Variants in MATR3 observed in about 807,000 individuals in gnomAD.
MATR3 encodes the protein matrin 3, also known as matrin-3.
Under a neutral mutation model 85.5 loss-of-function variants are expected in MATR3, and 4 were observed. That is an observed-to-expected ratio of 0.05 (90% CI 0.02 to 0.11). The LOEUF is 0.11. Among genes scored for constraint, MATR3 ranks in the 10% least tolerant of loss-of-function variants. The probability of loss-of-function intolerance (pLI) is 1.00; values close to 1 mark genes in which losing one functional copy is unlikely to be tolerated. For missense variants in MATR3, 685 were observed against 1,016.1 expected (o/e 0.67, Z 4.43); for synonymous variants, 336 against 343.1 (o/e 0.98, Z 0.23).
At chr5:139,297,192 T>G (rs1754200787) in intron 1 of MATR3, among the ~76,000 whole-genome samples, 1 of 151,892 alleles carries the variant, frequency 6.6e-6, no homozygotes, top group Non-Finnish European at 1.5e-5. Context: ...AAAAGTAAAG[T>G]GGATGATTGA....
At chr5:139,312,939 A>ACC (rs1032872284) in intron 2 of MATR3, 19 of 151,922 alleles carry the variant, frequency 1.3e-4, no homozygotes, top group African/African-American at 4.6e-4. Flanking sequence ...GGCCTGAGCC[A>ACC]CCGCACCTGG....
At chr5:139,286,780 G>A (rs934238087) in intron 3 of MATR3, among the ~76,000 whole-genome samples, 2 of 151,276 alleles carry the variant, frequency 1.3e-5, no homozygotes, top group African/African-American at 4.9e-5. Context: ...GGAGGCGGAG[G>A]TTGCAGTGAG....
chr5:139,318,844 C>A lies in MATR3; in HGVS notation c.1309-64C>A. Reference sequence around the variant, plus strand: ...ATTGTTATTTTTTAGGAAAAAAAATCTTTAGTTCAATGTGAGAAAGCTGAT... The same window carrying A: ...ATTGTTATTTTTTAGGAAAAAAAATATTTAGTTCAATGTGAGAAAGCTGAT... On this transcript the variant is annotated intron_variant, in intron 7 of 14. Coordinates refer to ENST00000394805, the MANE Select transcript of MATR3 (RefSeq NM_018834.6). 2.6e-6 allele frequency: 4 copies of A among 1,519,336 alleles called. No individual in the cohort carries two copies. The South Asian group carries it at 3.4e-5, about 13-fold the overall frequency. The allele number at this position is 1,519,336 out of a possible 1,614,324, so 94.1% of individuals were successfully genotyped here.
chr5:139,285,300 TTC>T (rs1459383682), intron 3 of MATR3: 1 of 152,220 alleles, frequency 6.6e-6, no homozygotes, highest in Non-Finnish European at 1.5e-5. Flanking sequence ...GTGCAGTGGG[TTC>T]TGTTTGTCCT....
Position 139,330,081 on chromosome 5 carries a change from G to T in MATR3, c.*686G>T, listed in dbSNP as rs1417379646. On this transcript the variant is annotated 3_prime_UTR_variant, in exon 15 of 15. Transcript: ENST00000394805. Reference sequence around the variant, plus strand: ...AAAATATTCCCGTTATCTTTGACCAGTATTAATTTTTGAGATCTTACTGCT... The same window carrying T: ...AAAATATTCCCGTTATCTTTGACCATTATTAATTTTTGAGATCTTACTGCT... 1.1e-5 allele frequency: 5 copies of T among 454,470 alleles called. No individual in the cohort carries two copies. The highest frequency in any genetic ancestry group is 2.2e-5 in the Non-Finnish European group (5 of 226,786). The allele number at this position is 454,470 out of a possible 1,614,324, so 28.2% of individuals were successfully genotyped here. A position where few individuals can be genotyped will look rare whatever the true frequency, so the allele number is the denominator to read the frequency against.
chr5:139,322,407 T>G, intron 10 of MATR3, 56 bp from the exon 11 acceptor site: 1 of 1,448,176 alleles, frequency 6.9e-7, no homozygotes, highest in Non-Finnish European at 9.7e-7. Context: ...ATTAATTCAC[T>G]GGATAATTGT....
At chr5:139,317,462 T>A (rs1182131146) in intron 6 of MATR3, 134 bp from the exon 7 acceptor site, 1 of 893,398 alleles carries the variant, frequency 1.1e-6, no homozygotes, top group Non-Finnish European at 1.8e-6. Flanking sequence ...GCTTTAAAAT[T>A]CTCTAGAATG....
Position 139,330,006 on chromosome 5 carries a change from T to C in MATR3, c.*611T>C. 1 of 453,518 alleles carries C rather than the reference T, an allele frequency of 2.2e-6. No individual in the cohort carries two copies. The highest frequency in any genetic ancestry group is 4.4e-6 in the Non-Finnish European group (1 of 226,172). 28.1% of individuals were successfully genotyped at this position (453,518 alleles called of 1,614,324 possible). A position where few individuals can be genotyped will look rare whatever the true frequency, so the allele number is the denominator to read the frequency against. ...GATTTTGTAATTTTTTTCCCTGAGT[T>C]CCTGCTAGATTTCGTATTCTAGTAG... is the stretch of plus-strand genomic sequence containing the variant. On this transcript the variant is annotated 3_prime_UTR_variant, in exon 15 of 15. Transcript: ENST00000394805.
intron 1 of MATR3, among the ~76,000 whole-genome samples, chr5:139,296,620 A>G (rs985269209): frequency 2.0e-5 from 3 of 152,244 alleles, no homozygotes; most frequent in Non-Finnish European, 4.4e-5. Context: ...AAAAGTACTG[A>G]GAAGTGACAG....
chr5:139,323,887 C>G (rs568911171), intron 12 of MATR3, among the ~76,000 whole-genome samples: 152 of 151,350 alleles, frequency 1.0e-3, no homozygotes, highest in Non-Finnish European at 1.6e-3. Flanking sequence ...GCAAGACTGT[C>G]TCAAGAAAAA....
In MATR3 at chr5:139,307,370, A is replaced by G; in HGVS notation, c.-46A>G. 1 of 1,574,080 alleles carries G rather than the reference A, an allele frequency of 6.4e-7. No homozygotes were observed. Among genetic ancestry groups the G allele is most frequent in the Non-Finnish European group, 8.6e-7 (1 of 1,167,124 alleles). ...GCTTTCTTTTTGGCCGTCTTTAAAA[A>G]AATTTTTTTTTTTAATCTATAAAAT... On this transcript the variant is annotated 5_prime_UTR_variant, in exon 2 of 15. Coordinates refer to ENST00000394805, the MANE Select transcript of MATR3 (RefSeq NM_018834.6). The surrounding 1 kb of genome is among the most constrained non-coding windows in gnomAD (Gnocchi z 4.4).
chr5:139,304,591 G>A (rs1004310019), intron 1 of MATR3, among the ~76,000 whole-genome samples: 7 of 152,132 alleles, frequency 4.6e-5, no homozygotes, highest in African/African-American at 1.4e-4. Flanking sequence ...TTTTTAGGGG[G>A]GTGCAGGTGC....
At position 139,278,965 on chromosome 5, in the gene MATR3, T is replaced by C. The variant is rs761217079; in HGVS notation, c.-256-86T>C. ...GACTCCTGTGGAGTTGATCCTAGTC[T>C]GGGTGCAAACAATTTTTTTCTGTTT... On this transcript the variant is annotated intron_variant, in intron 2 of 16. Transcript: ENST00000509990. 2.7e-5 allele frequency: 14 copies of C among 516,720 alleles called. No homozygotes were observed. In the Admixed American group the frequency reaches 2.7e-4, roughly 10 times the overall value. The allele number at this position is 516,720 out of a possible 1,614,324, so 32.0% of individuals were successfully genotyped here.
rs1486628367 is a variant in MATR3, at chr5:139,315,449, GA to G, written c.975-243del. On this transcript the variant is annotated intron_variant, in intron 3 of 14. Coordinates refer to ENST00000394805, the MANE Select transcript of MATR3 (RefSeq NM_018834.6). ...CCTCCTTACAATTTAACAAATAGAG[GA>G]AAAACTTAATTTCAACATTATCTGC... 7.0e-6 allele frequency: 3 copies of G among 428,774 alleles called. No individual in the cohort carries two copies. In the East Asian group the frequency reaches 1.3e-4, roughly 19 times the overall value. 26.6% of individuals were successfully genotyped at this position (428,774 alleles called of 1,614,324 possible). A position where few individuals can be genotyped will look rare whatever the true frequency, so the allele number is the denominator to read the frequency against.
chr5:139,319,188 A>G, intron 8 of MATR3, 146 bp from the exon 9 acceptor site: 1 of 1,231,942 alleles, frequency 8.1e-7, no homozygotes, highest in Non-Finnish European at 1.2e-6. Flanking sequence ...GGATTATGTG[A>G]GGCCCAGGAG....
Position 139,275,380 on chromosome 5 carries a change from A to T in MATR3, c.-286-741A>T, listed in dbSNP as rs528707537. On this transcript the variant is annotated intron_variant, in intron 1 of 16. Coordinates refer to ENST00000509990, the Ensembl canonical transcript of MATR3. ...CAATTCCCCTCACATCCAATACTGC[A>T]GTTATTTTTCCAAGTGCTGTTTTTA... Among the ~76,000 whole-genome samples, 10 of 151,984 alleles carry T rather than the reference A, an allele frequency of 6.6e-5. No homozygotes were observed. In the South Asian group the frequency reaches 2.1e-3, roughly 32 times the overall value.
At chr5:139,274,796 G>T (rs1753207327) in intron 1 of MATR3, among the ~76,000 whole-genome samples, 2 of 151,708 alleles carry the variant, frequency 1.3e-5, no homozygotes, top group African/African-American at 2.4e-5. Context: ...TTAGCTGGGC[G>T]TGGTGTCGCA....
chr5:139,279,769 T>TG (rs1390221206), intron 3 of MATR3: 1 of 152,728 alleles, frequency 6.5e-6, no homozygotes, highest in Admixed American at 6.5e-5. Flanking sequence ...CCTAAAGTGA[T>TG]GGGAGTACAG....
intron 1 of MATR3, chr5:139,294,065 G>A (rs767404673): frequency 1.6e-6 from 2 of 1,257,580 alleles, no homozygotes; most frequent in South Asian, 2.8e-5. Context: ...GGCCGGCCAA[G>A]GGCCCAGGGT....
Sources: gnomAD v4.1 joint callset for allele counts (sites outside exome capture counted in the v4.1 genomes callset) on GRCh38, gnomAD v4.1.1 for gene constraint, Gnocchi (gnomAD v3.1) non-coding constraint, MANE v1.5 for transcripts, NCBI Gene and HGNC (gene_info 2026-07-23, HGNC 2026-07-21) for gene names.